MYH11: variants seen among roughly 807,000 people sequenced by gnomAD.
MYH11 encodes myosin heavy chain 11.
Under a neutral mutation model 246.6 loss-of-function variants are expected in MYH11, and 80 were observed. The observed-to-expected ratio is 0.32, with a 90% CI of 0.27 to 0.39. The LOEUF is 0.39. Ranked by LOEUF, MYH11 falls within the 10% of genes least tolerant of loss-of-function variation. MYH11 has a pLI of 1.00. For synonymous variants in MYH11, 1,071 were observed against 1,015.5 expected, an observed-to-expected ratio of 1.05 and a Z score of -1.04; for missense variants, 2,158 against 2,546.8, an observed-to-expected ratio of 0.85 and a Z score of 3.29.
chr16:15,719,999 C>A, intron 34 of MYH11, 152 bp downstream of exon 34: 1 of 1,152,896 alleles, frequency 8.7e-7, no homozygotes, highest in Non-Finnish European at 1.3e-6. Flanking sequence ...AGACAGCCAC[C>A]AAATCCTGAA....
intron 2 of MYH11, among the ~76,000 whole-genome samples, chr16:15,824,103 A>G (rs1046480878): frequency 4.3e-5 from 6 of 138,318 alleles, no homozygotes; most frequent in Non-Finnish European, 7.7e-5. Flanking sequence ...GCTGACAATC[A>G]TATTAAATGC....
chr16:15,714,352 A>G (rs2039992511), intron 40 of MYH11: 1 of 165,582 alleles, frequency 6.0e-6, no homozygotes, highest in Admixed American at 5.7e-5. Context: ...TGGTTGTCAC[A>G]TTGCAGGGTG....
At chr16:15,803,941 G>A (rs924743743) in intron 3 of MYH11, among the ~76,000 whole-genome samples, 4 of 152,132 alleles carry the variant, frequency 2.6e-5, no homozygotes, top group Admixed American at 1.3e-4. Flanking sequence ...TGCTGGTTAC[G>A]AGCAGAAGGA....
At chr16:15,760,477 A>G (rs2041843165) in intron 11 of MYH11, 63 bp downstream of exon 11, 1 of 1,235,950 alleles carries the variant, frequency 8.1e-7, no homozygotes, top group Non-Finnish European at 1.2e-6. Flanking sequence ...GAACAGGTGG[A>G]TAGATGGATG....
intron 24 of MYH11, 84 bp from the exon 25 acceptor site, chr16:15,737,704 C>A: frequency 6.7e-7 from 1 of 1,495,336 alleles, no homozygotes; most frequent in South Asian, 1.1e-5. Flanking sequence ...GCATTTTACC[C>A]GGAGGAGATG....
chr16:15,847,819 A>G (rs771177084), intron 1 of MYH11, among the ~76,000 whole-genome samples: 8 of 152,318 alleles, frequency 5.3e-5, no homozygotes, highest in Admixed American at 2.0e-4. Flanking sequence ...GTCAAAAGAC[A>G]GCAAGATGGG....
intron 1 of MYH11, among the ~76,000 whole-genome samples, chr16:15,846,198 C>A (rs2044185758): frequency 6.6e-6 from 1 of 152,000 alleles, no homozygotes; most frequent in Non-Finnish European, 1.5e-5. Context: ...TTGTCAGATG[C>A]CCATAAAGGA....
chr16:15,769,881 G>A (rs527741380), intron 9 of MYH11, among the ~76,000 whole-genome samples: 135 of 151,654 alleles, frequency 8.9e-4, no homozygotes, highest in Admixed American at 5.6e-3. Context: ...GGCTGGTCTC[G>A]AACTCCTGGG....
intron 2 of MYH11, among the ~76,000 whole-genome samples, chr16:15,833,496 G>A (rs215591): frequency 0.8 from 122,103 of 151,788 alleles, 49,612 homozygotes; most frequent in African/African-American, 0.91. Context: ...AGGACCAGGC[G>A]TCAAAGCCAT....
rs771022751 is a variant in MYH11, at chr16:15,750,183, G to C, written c.2013C>G (p.Thr671=). 1 of 1,614,246 alleles carries C rather than the reference G, an allele frequency of 6.2e-7. No individual in the cohort carries two copies. The highest frequency in any genetic ancestry group is 1.7e-5 in the Admixed American group (1 of 60,032). Residue 671 remains threonine (T), a synonymous_variant, in exon 16 of 41, where the codon ACC becomes ACG. Transcript: ENST00000300036. This position sits in a 1 kb window ranked among gnomAD's most constrained non-coding sequence, Gnocchi z 4.3. ...TGATGCAGCGCACGAAGTTGGGCGT[G>C]GTGTTGCGTAGCGTGGTCATCAGCT... ...LGKLMTTLRN[T]TPNFVRCIIP...
intron 10 of MYH11, among the ~76,000 whole-genome samples, chr16:15,763,359 AT>A: frequency 6.6e-6 from 1 of 151,942 alleles, no homozygotes. Context: ...TAAGTGGGGT[AT>A]TTTAGAAGAG....
chr16:15,821,479 T>A (rs1407839309), intron 3 of MYH11, among the ~76,000 whole-genome samples: 1 of 152,156 alleles, frequency 6.6e-6, no homozygotes, highest in Non-Finnish European at 1.5e-5. Context: ...ATTAAAGACT[T>A]TTTCAAGTTA....
chr16:15,754,841 T>C (rs1180547476), intron 14 of MYH11, among the ~76,000 whole-genome samples: 1 of 152,182 alleles, frequency 6.6e-6, no homozygotes, highest in Non-Finnish European at 1.5e-5. Flanking sequence ...GGCTAATTTT[T>C]AAATTTTTTT....
intron 25 of MYH11, among the ~76,000 whole-genome samples, chr16:15,736,391 ATC>A (rs2041118360): frequency 6.6e-6 from 1 of 152,088 alleles, no homozygotes; most frequent in African/African-American, 2.4e-5. Context: ...TGATCCTCCC[ATC>A]TCAGCCTCCT....
At chr16:15,788,087 T>TG (rs1254082604) in intron 4 of MYH11, among the ~76,000 whole-genome samples, 4 of 128,704 alleles carry the variant, frequency 3.1e-5, no homozygotes, top group Non-Finnish European at 6.6e-5. Flanking sequence ...CTTTTTTTTT[T>TG]TTTTTTTTAC....
chr16:15,709,732 T>G (rs918659105), intron 40 of MYH11, among the ~76,000 whole-genome samples: 1 of 152,214 alleles, frequency 6.6e-6, no homozygotes, highest in Non-Finnish European at 1.5e-5. Context: ...CAAGCTAGTT[T>G]GAGAAATCAG....
At chr16:15,747,792 A>C (rs2151260276) in intron 18 of MYH11, 62 bp from the exon 19 acceptor site, 3 of 1,612,616 alleles carry the variant, frequency 1.9e-6, no homozygotes, top group Non-Finnish European at 2.5e-6. Flanking sequence ...CAGTGATGAC[A>C]TGGGTAAGAA....
intron 4 of MYH11, among the ~76,000 whole-genome samples, chr16:15,788,601 A>G (rs762163495): frequency 6.6e-6 from 1 of 152,178 alleles, no homozygotes; most frequent in Non-Finnish European, 1.5e-5. Flanking sequence ...TACAGGTCCC[A>G]CTGTCCAGAA....
intron 1 of MYH11, among the ~76,000 whole-genome samples, chr16:15,846,811 G>A (rs932507427): frequency 7.2e-5 from 11 of 152,108 alleles, no homozygotes; most frequent in African/African-American, 1.7e-4. Context: ...AAAATTAACC[G>A]GTTGTGATAG....
Sources: allele counts gnomAD v4.1 joint callset (sites outside exome capture counted in the v4.1 genomes callset), GRCh38; gene constraint gnomAD v4.1.1; non-coding constraint Gnocchi (gnomAD v3.1); transcripts MANE v1.5; gene names NCBI Gene and HGNC (gene_info 2026-07-23, HGNC 2026-07-21).